The following EFNA5 variants were observed in gnomAD, a reference collection of about 807,000 sequenced individuals.
The protein encoded by EFNA5 is ephrin A5, also known as ephrin-A5.
EFNA5 carries 5 observed loss-of-function variants against 22.9 expected under a neutral mutation model. The observed-to-expected ratio is 0.22, with a 90% CI of 0.11 to 0.46. The LOEUF is 0.46. EFNA5 is among the 20% of genes least tolerant of loss of function. The probability of loss-of-function intolerance (pLI) is 0.99; values close to 1 mark genes in which losing one functional copy is unlikely to be tolerated. For missense variants in EFNA5, 237 were observed against 293.3 expected (o/e 0.81, Z 1.40); for synonymous variants, 113 against 112.2 (o/e 1.01, Z -0.04).
chr5:107,614,992 G>A (rs1175499369), intron 1 of EFNA5, among the ~76,000 whole-genome samples: 2 of 151,814 alleles, frequency 1.3e-5, no homozygotes, highest in Non-Finnish European at 2.9e-5. Context: ...AATTATTTAG[G>A]AGCCACAAAT....
chr5:107,621,493 A>T (rs1256454279), intron 1 of EFNA5, among the ~76,000 whole-genome samples: 1 of 152,230 alleles, frequency 6.6e-6, no homozygotes, highest in Non-Finnish European at 1.5e-5. Flanking sequence ...CTTAAAGTCC[A>T]GTCAACAAAA....
At chr5:107,418,570 A>C (rs462159) in intron 2 of EFNA5, among the ~76,000 whole-genome samples, 83,051 of 152,006 alleles carry the variant, frequency 0.55, 23,629 homozygotes, top group Non-Finnish European at 0.63. Context: ...AGAACTCTAC[A>C]TGCTTCCTCT....
intron 1 of EFNA5, among the ~76,000 whole-genome samples, chr5:107,541,083 G>A (rs905089457): frequency 2.6e-5 from 4 of 151,444 alleles, no homozygotes; most frequent in African/African-American, 9.7e-5. Context: ...CTCCAGCCTG[G>A]GAAACACAGC....
At chr5:107,666,093 A>G (rs1334675670) in intron 1 of EFNA5, among the ~76,000 whole-genome samples, 1 of 152,150 alleles carries the variant, frequency 6.6e-6, no homozygotes. Flanking sequence ...AGTAAGGACA[A>G]TCTAAGTTTT....
intron 1 of EFNA5, among the ~76,000 whole-genome samples, chr5:107,499,309 G>A (rs25976): frequency 0.57 from 86,782 of 152,058 alleles, 25,659 homozygotes; most frequent in East Asian, 0.75. Context: ...CTGTCTCTGA[G>A]TAACAACAGG....
At chr5:107,637,255 T>A (rs1391974569) in intron 1 of EFNA5, among the ~76,000 whole-genome samples, 1 of 152,170 alleles carries the variant, frequency 6.6e-6, no homozygotes, top group Admixed American at 6.5e-5. Flanking sequence ...TACAGCCATA[T>A]CTTCTCCAAT....
intron 1 of EFNA5, among the ~76,000 whole-genome samples, chr5:107,450,750 A>G (rs1749539066): frequency 6.6e-6 from 1 of 152,246 alleles, no homozygotes; most frequent in African/African-American, 2.4e-5. Context: ...GAATTCTAAA[A>G]TTATATGGTA....
chr5:107,660,312 A>ATATT (rs1750926411), intron 1 of EFNA5, among the ~76,000 whole-genome samples: 1 of 103,190 alleles, frequency 9.7e-6, no homozygotes, highest in Non-Finnish European at 1.9e-5. Flanking sequence ...ATATATATAT[A>ATATT]TATTTGGCAA....
At chr5:107,657,473 T>C (rs1215294459) in intron 1 of EFNA5, among the ~76,000 whole-genome samples, 2 of 152,110 alleles carry the variant, frequency 1.3e-5, no homozygotes, top group Non-Finnish European at 2.9e-5. Flanking sequence ...AACATAAACT[T>C]ACAAAGAAAA....
At position 107,583,979 on chromosome 5, in the gene EFNA5, T is replaced by G. The variant is rs1380718210; in HGVS notation, c.125+86510A>C. ...CTCAGAGCAAAGATAAGGGCCATAATGCTAGTTCATAGTTCCAGAAGAATC... is the reference window on the plus strand; with the variant it reads ...CTCAGAGCAAAGATAAGGGCCATAAGGCTAGTTCATAGTTCCAGAAGAATC... On this transcript the variant is annotated intron_variant, in intron 1 of 4. Transcript: ENST00000333274. 2.6e-5 allele frequency among the ~76,000 whole-genome samples: 4 copies of G among 152,246 alleles called. No individual in the cohort carries two copies. In the East Asian group the frequency reaches 5.8e-4, roughly 22 times the overall value.
At chr5:107,551,952 C>G (rs1748309403) in intron 1 of EFNA5, among the ~76,000 whole-genome samples, 1 of 152,082 alleles carries the variant, frequency 6.6e-6, no homozygotes, top group Non-Finnish European at 1.5e-5. Flanking sequence ...AAAAAAATCT[C>G]CACTACTGTC....
chr5:107,473,134 C>A (rs986802702), intron 1 of EFNA5, among the ~76,000 whole-genome samples: 12 of 152,080 alleles, frequency 7.9e-5, no homozygotes, highest in Non-Finnish European at 1.5e-4. Flanking sequence ...TGATGGAGAT[C>A]TGATGTTGGA....
intron 1 of EFNA5, among the ~76,000 whole-genome samples, chr5:107,528,410 A>C (rs537718115): frequency 6.6e-6 from 1 of 152,290 alleles, no homozygotes; most frequent in South Asian, 2.1e-4. Context: ...TAATTTACTC[A>C]GAATATCTAC....
At chr5:107,425,109 C>T (rs576291036) in intron 2 of EFNA5, among the ~76,000 whole-genome samples, 56 of 152,228 alleles carry the variant, frequency 3.7e-4, no homozygotes, top group African/African-American at 1.3e-3. Flanking sequence ...AGTTAAATGA[C>T]TCCGTTAAAT....
intron 1 of EFNA5, among the ~76,000 whole-genome samples, chr5:107,496,336 C>CCAAAAAAA (rs1746981708): frequency 1.3e-5 from 1 of 79,816 alleles, no homozygotes; most frequent in Non-Finnish European, 2.3e-5. Context: ...AATTCCATCT[C>CCAAAAAAA]AAAAAAAAAA....
chr5:107,604,163 T>C (rs1277377680), intron 1 of EFNA5, among the ~76,000 whole-genome samples: 4 of 152,168 alleles, frequency 2.6e-5, no homozygotes, highest in African/African-American at 9.7e-5. Flanking sequence ...CTATTCCCAG[T>C]CACCAATATT....
At chr5:107,529,778 C>G (rs562147791) in intron 1 of EFNA5, among the ~76,000 whole-genome samples, 1 of 152,170 alleles carries the variant, frequency 6.6e-6, no homozygotes, top group Non-Finnish European at 1.5e-5. Context: ...TGGCCAACCC[C>G]CTTCCCTCCA....
intron 1 of EFNA5, among the ~76,000 whole-genome samples, chr5:107,491,879 C>T (rs1263485466): frequency 6.6e-6 from 1 of 152,142 alleles, no homozygotes; most frequent in Non-Finnish European, 1.5e-5. Flanking sequence ...GTCGCCCAGG[C>T]TAGAGTGTGC....
At chr5:107,568,339 G>A (rs570625191) in intron 1 of EFNA5, among the ~76,000 whole-genome samples, 1 of 152,304 alleles carries the variant, frequency 6.6e-6, no homozygotes, top group African/African-American at 2.4e-5. Flanking sequence ...AATAAAGATC[G>A]TGGGGAGAGA....
Sources: gnomAD v4.1 joint callset for allele counts (sites outside exome capture counted in the v4.1 genomes callset) on GRCh38, gnomAD v4.1.1 for gene constraint, MANE v1.5 for transcripts, NCBI Gene and HGNC (gene_info 2026-07-23, HGNC 2026-07-21) for gene names.